The following MNAT1 variants were observed in gnomAD, a reference collection of about 807,000 sequenced individuals.
MNAT1 encodes CDK-activating kinase assembly factor MAT1.
In MNAT1, 43 loss-of-function variants were observed where a neutral mutation model predicts 42.0. The ratio of observed to expected loss-of-function variants is 1.02; its 90% CI spans 0.80 to 1.32. The LOEUF (loss-of-function observed/expected upper bound fraction) is 1.32. Ranked by LOEUF, MNAT1 falls within the 40% of genes most tolerant of loss-of-function variation. The probability of loss-of-function intolerance (pLI) is 0.00; values close to 1 mark genes in which losing one functional copy is unlikely to be tolerated. For missense variants in MNAT1, 306 were observed against 350.4 expected (o/e 0.87, Z 1.01); for synonymous variants, 118 against 120.0 (o/e 0.98, Z 0.11).
In MNAT1 at chr14:60,868,037, A is replaced by G. The variant is rs1175912476; in HGVS notation, c.688-11677A>G. The stretch of plus-strand genomic sequence containing the variant: ...CCTATAATGACCAGAACAGCATAGT[A>G]TAAAAATCTCTCTGCTTGCTTCTAA... On this transcript the variant is annotated intron_variant, in intron 6 of 7. Transcript: ENST00000261245. Among the ~76,000 whole-genome samples the G allele has an allele frequency of 1.1e-4, 16 of 152,164 alleles. 1 individual carries two copies. The highest frequency in any genetic ancestry group is 1.5e-5 in the Non-Finnish European group (1 of 68,016).
chr14:60,810,536 T>C (rs2032509548), intron 4 of MNAT1, among the ~76,000 whole-genome samples: 1 of 152,126 alleles, frequency 6.6e-6, no homozygotes, highest in Non-Finnish European at 1.5e-5. Flanking sequence ...TGGTATGCTA[T>C]GTTTTTGTTT....
chr14:60,802,131 G>T (rs1368644564), intron 3 of MNAT1, among the ~76,000 whole-genome samples: 1 of 152,100 alleles, frequency 6.6e-6, no homozygotes, highest in Non-Finnish European at 1.5e-5. Context: ...GATGGATGGT[G>T]GGTGGGGAAA....
At chr14:60,786,535 T>C (rs1477828944) in intron 1 of MNAT1, among the ~76,000 whole-genome samples, 2 of 152,186 alleles carry the variant, frequency 1.3e-5, no homozygotes, top group African/African-American at 4.8e-5. Context: ...TGTTAACATT[T>C]ATCATATTAG....
At chr14:60,867,582 A>G (rs1032848789) in intron 6 of MNAT1, among the ~76,000 whole-genome samples, 14 of 152,064 alleles carry the variant, frequency 9.2e-5, no homozygotes, top group African/African-American at 3.4e-4. Flanking sequence ...TCTTTAGTAT[A>G]TGTAGAATCA....
chr14:60,907,827 GA>G (rs2035243362), intron 7 of MNAT1, among the ~76,000 whole-genome samples: 1 of 137,622 alleles, frequency 7.3e-6, no homozygotes, highest in Non-Finnish European at 1.6e-5. Context: ...CAATTTTAAT[GA>G]AACAAAGATT....
chr14:60,841,600 T>C (rs2139401958), intron 6 of MNAT1, among the ~76,000 whole-genome samples: 1 of 152,348 alleles, frequency 6.6e-6, no homozygotes, highest in South Asian at 2.1e-4. Context: ...TAATTTCACA[T>C]TTCTGTCCTT....
chr14:60,864,058 C>T (rs1410172458), intron 6 of MNAT1, among the ~76,000 whole-genome samples: 1 of 151,890 alleles, frequency 6.6e-6, no homozygotes, highest in Non-Finnish European at 1.5e-5. Context: ...AACAAGACAA[C>T]TTCTAAGTGA....
intron 1 of MNAT1, chr14:60,780,683 T>C: frequency 1.2e-6 from 1 of 836,412 alleles, no homozygotes; most frequent in Non-Finnish European, 1.9e-6. Flanking sequence ...TTTTATTTCA[T>C]TGGTTAATTT....
chr14:60,769,936 G>T (rs978611835), intron 1 of MNAT1, among the ~76,000 whole-genome samples: 8 of 152,122 alleles, frequency 5.3e-5, no homozygotes, highest in African/African-American at 1.4e-4. Context: ...AAGCACTGGG[G>T]TTATAGGAGT....
chr14:60,895,822 C>T (rs2034946337), intron 7 of MNAT1, among the ~76,000 whole-genome samples: 2 of 152,078 alleles, frequency 1.3e-5, no homozygotes, highest in Admixed American at 6.6e-5. Flanking sequence ...TTTCCAATAT[C>T]TGCGTTGAAA....
intron 7 of MNAT1, among the ~76,000 whole-genome samples, chr14:60,923,518 A>G (rs117534467): frequency 0.012 from 1,848 of 152,332 alleles, 20 homozygotes; most frequent in Middle Eastern, 0.048. Flanking sequence ...TTTAAATGAT[A>G]CATGTTTATC....
intron 1 of MNAT1, among the ~76,000 whole-genome samples, chr14:60,793,003 T>C (rs1444615618): frequency 6.6e-6 from 1 of 151,992 alleles, no homozygotes; most frequent in Non-Finnish European, 1.5e-5. Flanking sequence ...AATTATCAAC[T>C]ACTACTTCTT....
chr14:60,920,771 G>T (rs2035641625), intron 7 of MNAT1, among the ~76,000 whole-genome samples: 1 of 152,104 alleles, frequency 6.6e-6, no homozygotes, highest in Admixed American at 6.5e-5. Flanking sequence ...CTACTTTCAA[G>T]TAGAGATGAC....
chr14:60,844,547 C>T (rs1429257571), intron 6 of MNAT1, among the ~76,000 whole-genome samples: 1 of 151,966 alleles, frequency 6.6e-6, no homozygotes, highest in African/African-American at 2.4e-5. Flanking sequence ...TTACATTGGG[C>T]TTGCGTGCGA....
At chr14:60,797,987 C>T (rs1180942382) in intron 2 of MNAT1, 100 bp from the exon 3 acceptor site, 5 of 591,314 alleles carry the variant, frequency 8.5e-6, no homozygotes, top group Non-Finnish European at 1.5e-5. Context: ...AATTCTTTTC[C>T]ATGTATCATA....
intron 2 of MNAT1, among the ~76,000 whole-genome samples, chr14:60,796,663 G>T (rs2032029043): frequency 2.6e-5 from 4 of 152,160 alleles, no homozygotes; most frequent in Admixed American, 2.6e-4. Context: ...AACATGTTAT[G>T]CATGTTAAGC....
At chr14:60,759,195 G>A (rs982780200) in intron 1 of MNAT1, among the ~76,000 whole-genome samples, 1 of 152,132 alleles carries the variant, frequency 6.6e-6, no homozygotes, top group African/African-American at 2.4e-5. Context: ...AGAAATATAA[G>A]CCTGAAAAAT....
chr14:60,771,829 G>C (rs2031069558), intron 1 of MNAT1, among the ~76,000 whole-genome samples: 1 of 152,204 alleles, frequency 6.6e-6, no homozygotes, highest in Non-Finnish European at 1.5e-5. Flanking sequence ...CTCAAACAGT[G>C]CCTGCTACAT....
chr14:60,909,929 C>A (rs1340694006), intron 7 of MNAT1, among the ~76,000 whole-genome samples: 1 of 152,046 alleles, frequency 6.6e-6, no homozygotes, highest in Non-Finnish European at 1.5e-5. Flanking sequence ...TGGCCATTTT[C>A]ACGATATTGA....
Sources: gnomAD v4.1 joint callset for allele counts (sites outside exome capture counted in the v4.1 genomes callset) on GRCh38, gnomAD v4.1.1 for gene constraint, MANE v1.5 for transcripts, NCBI Gene and HGNC (gene_info 2026-07-23, HGNC 2026-07-21) for gene names.